KIDINS220: variants seen among roughly 807,000 people sequenced by gnomAD.
KIDINS220 encodes the protein kinase D interacting substrate 220, also known as kinase D-interacting substrate of 220 kDa.
In KIDINS220, 63 loss-of-function variants were observed where a neutral mutation model predicts 157.6. The ratio of observed to expected loss-of-function variants is 0.40; its 90% CI spans 0.33 to 0.49. KIDINS220 has a LOEUF of 0.49. Ranked by LOEUF, KIDINS220 falls within the 20% of genes least tolerant of loss-of-function variation. The pLI is 0.66. For missense variants in KIDINS220, 1,772 were observed against 2,171.2 expected, an observed-to-expected ratio of 0.82 and a Z score of 3.65; for synonymous variants, 732 against 783.6, an observed-to-expected ratio of 0.93 and a Z score of 1.10.
In KIDINS220 at chr2:8,789,937, G is replaced by C; in HGVS notation, c.1564C>G (p.Pro522Ala). ...AGTGACACTGCTATTCCAAGATTTG[G>C]GTGGACCGTGAAGGCAAACAATAAA... Reference protein sequence around the residue: ...LGLLFAFTVHPNLGIAVSLSF... With the variant: ...LGLLFAFTVHANLGIAVSLSF... The change falls in exon 14 of 30, where the codon CCA becomes GCA. Residue 522 changes from proline (P) to alanine (A), a missense_variant. Physicochemically the swap from Pro to Ala is conservative, Grantham distance 27. This residue lies in a region of KIDINS220 where 725 missense variants were observed against 1,017.1 expected (regional missense o/e 0.71). Transcript: ENST00000256707. The C allele has an allele frequency of 1.2e-6, 2 of 1,613,796 alleles. No homozygotes were observed. Among genetic ancestry groups the C allele is most frequent in the East Asian group, 4.5e-5 (2 of 44,850 alleles).
At chr2:8,763,559 A>G (rs1313092249) in intron 22 of KIDINS220, among the ~76,000 whole-genome samples, 1 of 152,242 alleles carries the variant, frequency 6.6e-6, no homozygotes, top group African/African-American at 2.4e-5. Context: ...CTCACATAAT[A>G]TATTAGCTAC....
intron 11 of KIDINS220, among the ~76,000 whole-genome samples, chr2:8,796,153 T>C (rs1673885207): frequency 6.6e-6 from 1 of 152,190 alleles, no homozygotes; most frequent in African/African-American, 2.4e-5. Context: ...ATATCATTCA[T>C]CAGAGGAGAA....
At chr2:8,774,057 G>C (rs1451867284) in intron 21 of KIDINS220, among the ~76,000 whole-genome samples, 2 of 152,162 alleles carry the variant, frequency 1.3e-5, no homozygotes, top group Admixed American at 6.5e-5. Flanking sequence ...TGTAATCCCA[G>C]CACTTTGGGA....
intron 25 of KIDINS220, 114 bp from the exon 26 acceptor site, chr2:8,747,315 T>A: frequency 1.1e-6 from 1 of 881,400 alleles, no homozygotes. Context: ...CAACAGTTTA[T>A]GTTTTTGCCT....
At chr2:8,759,990 G>T in intron 22 of KIDINS220, among the ~76,000 whole-genome samples, 1 of 152,180 alleles carries the variant, frequency 6.6e-6, no homozygotes, top group East Asian at 1.9e-4. Context: ...GCAGCAGAGC[G>T]GGTACCTGCT....
At chr2:8,748,544 T>TA (rs1558337048) in intron 24 of KIDINS220, among the ~76,000 whole-genome samples, 31 of 152,302 alleles carry the variant, frequency 2.0e-4, no homozygotes, top group African/African-American at 5.1e-4. Context: ...CATATTTTTT[T>TA]TAAAAAACGT....
chr2:8,722,383 G>C (rs568890785), downstream of KIDINS220: 1 of 152,352 alleles, frequency 6.6e-6, no homozygotes, highest in African/African-American at 2.4e-5. Flanking sequence ...GGCTGCTGAG[G>C]TGGAAGATGT....
intron 1 of KIDINS220, among the ~76,000 whole-genome samples, chr2:8,832,159 T>C (rs1679734669): frequency 6.6e-6 from 1 of 152,198 alleles, no homozygotes; most frequent in African/African-American, 2.4e-5. Flanking sequence ...TTCTAAGTCC[T>C]TTCTAACAAC....
chr2:8,822,635 T>A (rs1286370219), intron 2 of KIDINS220, among the ~76,000 whole-genome samples: 4 of 151,816 alleles, frequency 2.6e-5, no homozygotes, highest in Non-Finnish European at 5.9e-5. Flanking sequence ...TCAAAAAAAA[T>A]AAAATAAAAT....
intron 26 of KIDINS220, 106 bp from the exon 27 acceptor site, chr2:8,737,105 T>TAA: frequency 9.2e-7 from 1 of 1,081,814 alleles, no homozygotes; most frequent in Non-Finnish European, 1.3e-6. Context: ...TGAAGTAAAG[T>TAA]AAAAAAAAAC....
chr2:8,757,288 G>A, intron 22 of KIDINS220: 2 of 996,402 alleles, frequency 2.0e-6, no homozygotes, highest in South Asian at 8.9e-5. Context: ...AAGAAAGCAG[G>A]GAAGCAGCAT....
chr2:8,758,987 G>A (rs181817809), intron 22 of KIDINS220, among the ~76,000 whole-genome samples: 12 of 152,324 alleles, frequency 7.9e-5, no homozygotes, highest in African/African-American at 2.2e-4. Context: ...ATCTATGCTC[G>A]TGTGGTGGTC....
rs1663695016 is a variant in KIDINS220, at chr2:8,729,191, C to A, written c.*1529G>T. On this transcript the variant is annotated 3_prime_UTR_variant, in exon 30 of 30. Coordinates refer to ENST00000256707, the MANE Select transcript of KIDINS220 (RefSeq NM_020738.4). ...ATTGCTTAAAACATTTGTTAAAGATCATGCAAAATAAACACTGTATTAAAA... is the reference window on the plus strand; with the variant it reads ...ATTGCTTAAAACATTTGTTAAAGATAATGCAAAATAAACACTGTATTAAAA... The A allele has an allele frequency of 1.0e-6, 1 of 984,218 alleles. No homozygotes were observed. Among genetic ancestry groups the A allele is most frequent in the South Asian group, 4.7e-5 (1 of 21,278 alleles). The allele number at this position is 984,218 out of a possible 1,614,324, so 61.0% of individuals were successfully genotyped here.
chr2:8,833,305 T>C (rs992422650), intron 1 of KIDINS220, among the ~76,000 whole-genome samples: 1 of 152,212 alleles, frequency 6.6e-6, no homozygotes, highest in Non-Finnish European at 1.5e-5. Context: ...CTAACCCATA[T>C]GAAGCCAATA....
At position 8,731,652 on chromosome 2, in the gene KIDINS220, A is replaced by C. The variant is rs773234909; in HGVS notation, c.4384T>G (p.Ser1462Ala). 1 of 1,614,220 alleles carries C rather than the reference A, an allele frequency of 6.2e-7. No homozygotes were observed. ...MKRGDVIDYSSSGVSTNDASP... is the reference protein window; with the variant it reads ...MKRGDVIDYSASGVSTNDASP... Reference sequence around the variant, plus strand: ...GCATCGTTGGTGGAAACCCCTGATGATGAATAATCGATAACATCTCCCCTC... The same window carrying C: ...GCATCGTTGGTGGAAACCCCTGATGCTGAATAATCGATAACATCTCCCCTC... Residue 1462 changes from serine to alanine, a missense_variant, in exon 30 of 30, where the codon TCA becomes GCA. Physicochemically the swap from Ser to Ala is moderately conservative, Grantham distance 99. This residue lies in a region of KIDINS220 where 793 missense variants were observed against 885.5 expected (regional missense o/e 0.90). Coordinates refer to ENST00000256707, the MANE Select transcript of KIDINS220 (RefSeq NM_020738.4). This position sits in a 1 kb window ranked among gnomAD's most constrained non-coding sequence, Gnocchi z 5.2.
intron 22 of KIDINS220, among the ~76,000 whole-genome samples, chr2:8,756,532 T>C (rs1668034811): frequency 6.6e-6 from 1 of 152,216 alleles, no homozygotes; most frequent in African/African-American, 2.4e-5. Flanking sequence ...CAGAATACCA[T>C]AGGCTGGGTG....
intron 29 of KIDINS220, among the ~76,000 whole-genome samples, chr2:8,732,286 C>T (rs1045228501): frequency 6.6e-6 from 1 of 152,128 alleles, no homozygotes; most frequent in Non-Finnish European, 1.5e-5. Flanking sequence ...TTTTAAGAGA[C>T]AGGATCTTGC....
At position 8,786,038 on chromosome 2, in the gene KIDINS220, G is replaced by A. The variant is rs1672352825; in HGVS notation, c.1940-8C>T. On this transcript the variant is annotated splice_polypyrimidine_tract_variant and splice_region_variant and intron_variant, in intron 16 of 29. Transcript: ENST00000256707. ...TTTTCCATTTCTTTTTACCTGTAAT[G>A]CAACAAATGGTTTTAATAATTAACA... is the stretch of plus-strand genomic sequence containing the variant. The A allele has an allele frequency of 6.3e-7, 1 of 1,593,778 alleles. No individual in the cohort carries two copies. Among genetic ancestry groups the A allele is most frequent in the Non-Finnish European group, 8.5e-7 (1 of 1,171,364 alleles).
At chr2:8,746,166 G>A (rs1486549863) in intron 26 of KIDINS220, among the ~76,000 whole-genome samples, 6 of 150,802 alleles carry the variant, frequency 4.0e-5, no homozygotes, top group African/African-American at 1.2e-4. Flanking sequence ...GCAGCGGTGC[G>A]ATCTCGGCTC....
Sources: gnomAD v4.1 joint callset for allele counts (sites outside exome capture counted in the v4.1 genomes callset) on GRCh38, gnomAD v4.1.1 for gene constraint, gnomAD v4.1.1 regional missense constraint, Gnocchi (gnomAD v3.1) non-coding constraint, MANE v1.5 for transcripts, NCBI Gene and HGNC (gene_info 2026-07-23, HGNC 2026-07-21) for gene names.